Variants in PIP5K1B observed in about 807,000 individuals in gnomAD.
PIP5K1B encodes the protein phosphatidylinositol-4-phosphate 5-kinase type 1 beta, also known as phosphatidylinositol 4-phosphate 5-kinase type-1 beta.
PIP5K1B carries 42 observed loss-of-function variants against 67.0 expected under a neutral mutation model. The ratio of observed to expected loss-of-function variants is 0.63; its 90% confidence interval spans 0.49 to 0.81. The LOEUF is 0.81. PIP5K1B is among the 30% of genes least tolerant of loss of function. The pLI, the probability that PIP5K1B is intolerant of heterozygous loss-of-function variation, is 0.00. For synonymous variants in PIP5K1B, 214 were observed against 231.4 expected, an observed-to-expected ratio of 0.92 and a Z score of 0.68; for missense variants, 459 against 646.3, an observed-to-expected ratio of 0.71 and a Z score of 3.14.
intron 1 of PIP5K1B, among the ~76,000 whole-genome samples, chr9:68,709,714 C>G (rs996226340): frequency 6.6e-6 from 1 of 152,108 alleles, no homozygotes; most frequent in African/African-American, 2.4e-5. Context: ...GAGTTTGAGA[C>G]CAGCCTGGGC....
intron 2 of PIP5K1B, among the ~76,000 whole-genome samples, chr9:68,763,345 T>C (rs1830272315): frequency 6.6e-6 from 1 of 152,120 alleles, no homozygotes. Flanking sequence ...TGTGCTTTAC[T>C]TCCCCATTTA....
At chr9:68,765,745 C>T (rs952805198) in intron 2 of PIP5K1B, among the ~76,000 whole-genome samples, 2 of 152,106 alleles carry the variant, frequency 1.3e-5, no homozygotes, top group Non-Finnish European at 2.9e-5. Context: ...AAAAGTGCCA[C>T]TTTTTGTTAT....
chr9:68,835,301 C>T lies in PIP5K1B; in HGVS notation c.69+12618C>T, dbSNP rs116082184. Among the ~76,000 whole-genome samples, 982 of 152,328 alleles carry T rather than the reference C, an allele frequency of 6.4e-3. 11 individuals carry two copies. Among genetic ancestry groups the T allele is most frequent in the African/African-American group, 0.023 (946 of 41,568 alleles). On this transcript the variant is annotated intron_variant, in intron 4 of 15. Transcript: ENST00000265382. ...AACATTGGACCTTACTCTCCGTCTT[C>T]CTTCCTCACCAGCAGTGGACTGAGA...
At chr9:68,789,297 G>A (rs1159888498) in intron 2 of PIP5K1B, 11 of 409,538 alleles carry the variant, frequency 2.7e-5, no homozygotes, top group Admixed American at 9.3e-5. Context: ...GGTAGCCAAC[G>A]AGTCAGCTTG....
intron 2 of PIP5K1B, among the ~76,000 whole-genome samples, chr9:68,801,686 CG>C (rs1408282239): frequency 3.2e-4 from 49 of 152,122 alleles, no homozygotes; most frequent in African/African-American, 1.2e-3. Flanking sequence ...AGGGAAAGTC[CG>C]GAAGACACAC....
At chr9:68,978,815 C>CAT (rs935505344) in intron 14 of PIP5K1B, among the ~76,000 whole-genome samples, 10 of 152,154 alleles carry the variant, frequency 6.6e-5, no homozygotes, top group African/African-American at 2.4e-4. Flanking sequence ...AGATAAAGAA[C>CAT]ATTCCCCCAT....
At chr9:68,917,851 A>T in intron 9 of PIP5K1B, 92 bp downstream of exon 9, 1 of 897,922 alleles carries the variant, frequency 1.1e-6, no homozygotes, top group Non-Finnish European at 1.8e-6. Context: ...TTAGGGTGGG[A>T]CTCTAGGAAT....
At chr9:68,898,339 T>G (rs1199496483) in intron 8 of PIP5K1B, among the ~76,000 whole-genome samples, 1 of 152,112 alleles carries the variant, frequency 6.6e-6, no homozygotes. Context: ...GAAATGGATA[T>G]GTAAATGATG....
At chr9:68,726,971 A>G (rs1828179605) in intron 1 of PIP5K1B, among the ~76,000 whole-genome samples, 1 of 151,732 alleles carries the variant, frequency 6.6e-6, no homozygotes, top group Non-Finnish European at 1.5e-5. Flanking sequence ...TATTGATTCT[A>G]GTAAAGTTGT....
chr9:68,993,340 T>A (rs1363009138), intron 15 of PIP5K1B, among the ~76,000 whole-genome samples: 1 of 152,172 alleles, frequency 6.6e-6, no homozygotes, highest in African/African-American at 2.4e-5. Context: ...TTGCCATTCC[T>A]GTCTGTGTAT....
At chr9:68,789,432 TGACAAATAGAGGGGA>T (rs1831831808) in intron 2 of PIP5K1B, 1 of 475,792 alleles carries the variant, frequency 2.1e-6, no homozygotes, top group South Asian at 1.6e-5. Flanking sequence ...GAAGAAACTC[TGACAAATAGAGGGGA>T]GACCTCCATC....
intron 12 of PIP5K1B, among the ~76,000 whole-genome samples, chr9:68,929,391 C>T (rs774638160): frequency 6.6e-5 from 10 of 152,154 alleles, no homozygotes; most frequent in Non-Finnish European, 1.3e-4. Flanking sequence ...TGGCTCCACA[C>T]CTCATCCTTC....
intron 2 of PIP5K1B, among the ~76,000 whole-genome samples, chr9:68,785,181 AGT>A (rs1831541369): frequency 6.6e-6 from 1 of 152,158 alleles, no homozygotes; most frequent in Non-Finnish European, 1.5e-5. Context: ...CAGTGTGTGA[AGT>A]AGTTAAGGGT....
chr9:68,992,827 A>C (rs1587774678), intron 15 of PIP5K1B, among the ~76,000 whole-genome samples: 1 of 111,476 alleles, frequency 9.0e-6, no homozygotes, highest in African/African-American at 3.6e-5. Context: ...GCAACAGAGC[A>C]TGACCCTGTC....
intron 11 of PIP5K1B, among the ~76,000 whole-genome samples, chr9:68,920,793 TA>T (rs1826347546): frequency 1.5e-5 from 2 of 133,712 alleles, no homozygotes; most frequent in Admixed American, 7.3e-5. Context: ...CTCACACACA[TA>T]CACACACATA....
intron 14 of PIP5K1B, 68 bp downstream of exon 14, chr9:68,940,858 T>C: frequency 1.4e-6 from 2 of 1,417,718 alleles, no homozygotes; most frequent in Middle Eastern, 1.8e-4. Flanking sequence ...TGAACCAGTA[T>C]CTCTGAATGA....
At chr9:68,861,346 A>C (rs1331539018) in intron 4 of PIP5K1B, among the ~76,000 whole-genome samples, 2 of 152,192 alleles carry the variant, frequency 1.3e-5, no homozygotes, top group African/African-American at 4.8e-5. Context: ...GGAATCAGAA[A>C]TTCTGGGGAC....
At chr9:68,965,333 G>A (rs1341150735) in intron 14 of PIP5K1B, among the ~76,000 whole-genome samples, 1 of 152,166 alleles carries the variant, frequency 6.6e-6, no homozygotes, top group Non-Finnish European at 1.5e-5. Flanking sequence ...CCCTGGAAAG[G>A]CTAACGTTCT....
intron 1 of PIP5K1B, among the ~76,000 whole-genome samples, chr9:68,735,549 C>T (rs1828698044): frequency 6.6e-6 from 1 of 151,962 alleles, no homozygotes; most frequent in Non-Finnish European, 1.5e-5. Flanking sequence ...CTACCACGCC[C>T]AGCTAATGTT....
Sources: gnomAD v4.1 joint callset for allele counts (sites outside exome capture counted in the v4.1 genomes callset) on GRCh38, gnomAD v4.1.1 for gene constraint, MANE v1.5 for transcripts, NCBI Gene and HGNC (gene_info 2026-07-23, HGNC 2026-07-21) for gene names.